TTC13: variants seen among roughly 807,000 people sequenced by gnomAD.
The protein encoded by TTC13 is tetratricopeptide repeat protein 13.
TTC13 carries 62 observed loss-of-function variants against 120.0 expected under a neutral mutation model. That is an observed-to-expected ratio of 0.52 (90% CI 0.42 to 0.64). The LOEUF (loss-of-function observed/expected upper bound fraction) is 0.64. Among genes scored for constraint, TTC13 ranks in the 30% least tolerant of loss-of-function variants. The probability of loss-of-function intolerance (pLI) is 0.00; values close to 1 mark genes in which losing one functional copy is unlikely to be tolerated. For missense variants in TTC13, 824 were observed against 1,050.2 expected (o/e 0.78, Z 2.98); for synonymous variants, 384 against 393.5 (o/e 0.98, Z 0.28).
At chr1:230,939,096 T>C (rs1299561152) in intron 8 of TTC13, among the ~76,000 whole-genome samples, 1 of 152,242 alleles carries the variant, frequency 6.6e-6, no homozygotes, top group Admixed American at 6.5e-5. Flanking sequence ...ATCTTTCTTA[T>C]CTACATTTTC....
intron 9 of TTC13, among the ~76,000 whole-genome samples, chr1:230,933,383 A>G (rs139111739): frequency 6.6e-6 from 1 of 152,226 alleles, no homozygotes; most frequent in Non-Finnish European, 1.5e-5. Context: ...GCAGATGTAC[A>G]TTATAATCAC....
At position 230,918,092 on chromosome 1, in the gene TTC13, T is replaced by C. The variant is rs143842756; in HGVS notation, c.1984-1790A>G. 3.9e-5 allele frequency among the ~76,000 whole-genome samples: 6 copies of C among 152,362 alleles called. No individual in the cohort carries two copies. In the East Asian group the frequency reaches 1.2e-3, roughly 29 times the overall value. On this transcript the variant is annotated intron_variant, in intron 17 of 22. Coordinates refer to ENST00000366661, the MANE Select transcript of TTC13 (RefSeq NM_024525.5). ...TCTAATGTCCCACTGGATTTTCATG[T>C]AGATGAAGAACATGTTTATCATTTA...
At chr1:230,927,695 A>T (rs1475521132) in intron 12 of TTC13, among the ~76,000 whole-genome samples, 1 of 152,170 alleles carries the variant, frequency 6.6e-6, no homozygotes, top group Non-Finnish European at 1.5e-5. Flanking sequence ...CTTAGGTTCA[A>T]GGTAGTCCAA....
intron 1 of TTC13, among the ~76,000 whole-genome samples, chr1:230,973,803 C>A (rs1334136760): frequency 6.6e-6 from 1 of 152,130 alleles, no homozygotes; most frequent in Non-Finnish European, 1.5e-5. Context: ...AGGGGCCGGG[C>A]GTGGTGGCTC....
At position 230,924,742 on chromosome 1, in the gene TTC13, A is replaced by G; in HGVS notation, c.1721+99T>C. On this transcript the variant is annotated intron_variant, in intron 14 of 22. Transcript: ENST00000366661. The stretch of plus-strand genomic sequence containing the variant: ...AACCTAACTTGGAAGGCCTGGTGTT[A>G]GCAAGCAAAACAGGGTTCATAGCCT... The G allele has an allele frequency of 2.8e-6, 4 of 1,423,862 alleles. No homozygotes were observed. The South Asian group carries it at 3.7e-5, about 13-fold the overall frequency. 88.2% of individuals were successfully genotyped at this position (1,423,862 alleles called of 1,614,324 possible).
At chr1:230,945,841 GC>G (rs1674939557) in intron 4 of TTC13, among the ~76,000 whole-genome samples, 1 of 152,180 alleles carries the variant, frequency 6.6e-6, no homozygotes, top group South Asian at 2.1e-4. Context: ...ATTAGGTAAT[GC>G]CTGTAACTAA....
In TTC13 at chr1:230,944,978, G is replaced by A. The variant is rs985600283; in HGVS notation, c.579+411C>T. Among the ~76,000 whole-genome samples, 1 of 152,180 alleles carries A rather than the reference G, an allele frequency of 6.6e-6. No homozygotes were observed. The highest frequency in any genetic ancestry group is 1.9e-4 in the East Asian group (1 of 5,182). On this transcript the variant is annotated intron_variant, in intron 5 of 22. Transcript: ENST00000366661. The surrounding 1 kb of genome is among the most constrained non-coding windows in gnomAD (Gnocchi z 4.0). ...TTGATTACAGCTACAAAGATATTACGCCATATGCAAAAAGTATAAAATATA... is the reference window on the plus strand; with the variant it reads ...TTGATTACAGCTACAAAGATATTACACCATATGCAAAAAGTATAAAATATA...
intron 11 of TTC13, 77 bp from the exon 12 acceptor site, chr1:230,929,170 A>T: frequency 7.2e-7 from 1 of 1,392,514 alleles, no homozygotes; most frequent in Middle Eastern, 1.9e-4. Flanking sequence ...CCATACAAAT[A>T]CTTTGTAACA....
intron 12 of TTC13, among the ~76,000 whole-genome samples, chr1:230,926,273 G>A (rs894249550): frequency 6.6e-6 from 1 of 151,912 alleles, no homozygotes; most frequent in African/African-American, 2.4e-5. Context: ...AGAGGGAAGA[G>A]GCACATTGGG....
chr1:230,938,975 T>G (rs977920930), intron 8 of TTC13, among the ~76,000 whole-genome samples: 2 of 152,170 alleles, frequency 1.3e-5, no homozygotes, highest in African/African-American at 4.8e-5. Flanking sequence ...CCTCTCTGCC[T>G]GAAGGGCTTT....
At chr1:230,923,413 G>A (rs56724476) in intron 15 of TTC13, among the ~76,000 whole-genome samples, 2,198 of 151,942 alleles carry the variant, frequency 0.014, 48 homozygotes, top group African/African-American at 0.05. Context: ...TTGTGTGTTG[G>A]GGTGGAATGG....
Position 230,956,279 on chromosome 1 carries a change from A to G in TTC13, c.443-1876T>C, listed in dbSNP as rs114885017. 2.6e-3 allele frequency: 487 copies of G among 184,206 alleles called. 5 individuals carry two copies. The highest frequency in any genetic ancestry group is 0.01 in the African/African-American group (427 of 41,920). 11.4% of individuals were successfully genotyped at this position (184,206 alleles called of 1,614,324 possible). A position where few individuals can be genotyped will look rare whatever the true frequency, so the allele number is the denominator to read the frequency against. On this transcript the variant is annotated intron_variant, in intron 3 of 22. Transcript: ENST00000366661. Reference sequence around the variant, plus strand: ...CAGTTCCCAAACCACTGTGCACTGGAGGGATGGCCAAGGGGCTGAAATTCC... The same window carrying G: ...CAGTTCCCAAACCACTGTGCACTGGGGGGATGGCCAAGGGGCTGAAATTCC...
At position 230,943,686 on chromosome 1, in the gene TTC13, CAT is replaced by C. The variant is rs1674726554; in HGVS notation, c.672+118_672+119del. The C allele has an allele frequency of 4.2e-6, 3 of 709,460 alleles. No individual in the cohort carries two copies. In the Admixed American group the frequency reaches 8.1e-5, roughly 19 times the overall value. 43.9% of individuals were successfully genotyped at this position (709,460 alleles called of 1,614,324 possible). ...CATGCTTAAAGGCATTAAGTACCGA[CAT>C]AGAAAAACATAAGAGTTTTAAGGGA... On this transcript the variant is annotated intron_variant, in intron 6 of 22. Transcript: ENST00000366661.
chr1:230,926,946 T>A (rs1673104389), intron 12 of TTC13, among the ~76,000 whole-genome samples: 1 of 152,226 alleles, frequency 6.6e-6, no homozygotes, highest in African/African-American at 2.4e-5. Flanking sequence ...CATGTATATA[T>A]ACAATATACT....
At chr1:230,970,065 T>C (rs952408439) in intron 1 of TTC13, among the ~76,000 whole-genome samples, 1 of 152,176 alleles carries the variant, frequency 6.6e-6, no homozygotes, top group African/African-American at 2.4e-5. Flanking sequence ...ATGAACATGT[T>C]TAAGGTCACA....
chr1:230,914,002 G>A (rs1422954988), intron 18 of TTC13, among the ~76,000 whole-genome samples: 2 of 152,140 alleles, frequency 1.3e-5, no homozygotes, highest in Non-Finnish European at 2.9e-5. Flanking sequence ...TGGAGCTAGG[G>A]GAACGTCCAG....
At chr1:230,911,421 G>T (rs1671483600) in intron 20 of TTC13, 49 bp downstream of exon 20, 9 of 1,374,814 alleles carry the variant, frequency 6.5e-6, no homozygotes, top group South Asian at 1.3e-5. Context: ...AAGCAAAAAA[G>T]AACACATTTC....
chr1:230,923,138 C>T (rs1453504814), intron 15 of TTC13, among the ~76,000 whole-genome samples: 1 of 151,990 alleles, frequency 6.6e-6, no homozygotes, highest in Non-Finnish European at 1.5e-5. Context: ...ACACAACTAC[C>T]ATATCTATAC....
chr1:230,969,238 G>C (rs1677471747), intron 1 of TTC13, among the ~76,000 whole-genome samples: 2 of 150,800 alleles, frequency 1.3e-5, no homozygotes, highest in African/African-American at 4.9e-5. Context: ...CTCCAGCCTG[G>C]GTGACAAAGC....
Sources: allele counts gnomAD v4.1 joint callset (sites outside exome capture counted in the v4.1 genomes callset), GRCh38; gene constraint gnomAD v4.1.1; non-coding constraint Gnocchi (gnomAD v3.1); transcripts MANE v1.5; gene names NCBI Gene and HGNC (gene_info 2026-07-23, HGNC 2026-07-21).